DDX43: variants seen among roughly 807,000 people sequenced by gnomAD.
The protein encoded by DDX43 is probable ATP-dependent RNA helicase DDX43.
Under a neutral mutation model 84.9 loss-of-function variants are expected in DDX43, and 50 were observed. The ratio of observed to expected loss-of-function variants is 0.59; its 90% confidence interval spans 0.47 to 0.75. The LOEUF (loss-of-function observed/expected upper bound fraction) is 0.75. Ranked by LOEUF, DDX43 falls within the 30% of genes least tolerant of loss-of-function variation. The probability of loss-of-function intolerance (pLI) is 0.00; values close to 1 mark genes in which losing one functional copy is unlikely to be tolerated. For missense variants in DDX43, 689 were observed against 798.6 expected (o/e 0.86, Z 1.65); for synonymous variants, 291 against 266.3 (o/e 1.09, Z -0.90).
intron 10 of DDX43, among the ~76,000 whole-genome samples, chr6:73,411,593 G>T (rs1769785732): frequency 6.6e-6 from 1 of 152,004 alleles, no homozygotes; most frequent in African/African-American, 2.4e-5. Context: ...GCCTCGCAAA[G>T]TGCTGGGATT....
chr6:73,401,218 A>G (rs1749161679), intron 3 of DDX43, among the ~76,000 whole-genome samples: 1 of 152,102 alleles, frequency 6.6e-6, no homozygotes, highest in Non-Finnish European at 1.5e-5. Flanking sequence ...AATTCAAGCG[A>G]TCCTCCACAC....
chr6:73,415,744 A>G (rs1287851320), intron 15 of DDX43, among the ~76,000 whole-genome samples, 160 bp downstream of exon 15: 1 of 152,158 alleles, frequency 6.6e-6, no homozygotes, highest in Non-Finnish European at 1.5e-5. Flanking sequence ...GGAGCATATA[A>G]CTGGGAAACT....
At chr6:73,411,069 G>A (rs985432810) in intron 10 of DDX43, among the ~76,000 whole-genome samples, 4 of 150,260 alleles carry the variant, frequency 2.7e-5, no homozygotes, top group Admixed American at 6.6e-5. Flanking sequence ...CCAGCTACTC[G>A]GGAGCCTGAG....
intron 4 of DDX43, 101 bp from the exon 5 acceptor site, chr6:73,404,589 A>C: frequency 1.1e-6 from 1 of 904,574 alleles, no homozygotes. Flanking sequence ...AATGGTATGC[A>C]TGGTAAATAA....
chr6:73,414,299 A>G (rs1341469466), intron 13 of DDX43, among the ~76,000 whole-genome samples: 1 of 152,254 alleles, frequency 6.6e-6, no homozygotes, highest in Non-Finnish European at 1.5e-5. Context: ...AATATGCAAC[A>G]GAAAATATAT....
At chr6:73,397,857 C>A in intron 2 of DDX43, 113 bp downstream of exon 2, 1 of 933,414 alleles carries the variant, frequency 1.1e-6, no homozygotes, top group Non-Finnish European at 1.7e-6. Flanking sequence ...GGCTGGAGTG[C>A]AGTGACGTGA....
intron 11 of DDX43, among the ~76,000 whole-genome samples, chr6:73,412,639 G>GT (rs1769811065): frequency 5.0e-5 from 1 of 19,988 alleles, no homozygotes; most frequent in African/African-American, 1.1e-4. Flanking sequence ...TATATATATA[G>GT]TGTGTGTGTG....
At position 73,414,643 on chromosome 6, in the gene DDX43, A is replaced by G. The variant is rs762455580; in HGVS notation, c.1702A>G (p.Ile568Val). ...HVYNFDFPRNIEEYVHRIGRT... is the reference protein window; with the variant it reads ...HVYNFDFPRNVEEYVHRIGRT... The stretch of plus-strand genomic sequence containing the variant: ...CTATAATTTTGACTTTCCACGGAAT[A>G]TTGAAGAATACGTACACCGAATAGG... Residue 568 changes from isoleucine to valine, a missense_variant, in exon 14 of 17, where the codon ATT becomes GTT. Around this residue, in one of 2 missense-constraint regions of DDX43, gnomAD observed 552 missense variants for 692.7 expected, o/e 0.80. Coordinates refer to ENST00000370336, the MANE Select transcript of DDX43 (RefSeq NM_018665.3). 5 of 1,614,116 alleles carry G rather than the reference A, an allele frequency of 3.1e-6. No homozygotes were observed. The South Asian group carries it at 5.5e-5, about 18-fold the overall frequency.
chr6:73,401,329 C>T (rs1032103143), intron 3 of DDX43, among the ~76,000 whole-genome samples: 2 of 152,122 alleles, frequency 1.3e-5, no homozygotes, highest in African/African-American at 4.8e-5. Context: ...ATTATTCTAA[C>T]GACTGAGTAA....
chr6:73,412,371 G>T, intron 11 of DDX43, 79 bp downstream of exon 11: 1 of 1,114,384 alleles, frequency 9.0e-7, no homozygotes, highest in Admixed American at 2.1e-5. Flanking sequence ...TGCCTAGTCT[G>T]CCCACTCCCC....
intron 4 of DDX43, among the ~76,000 whole-genome samples, chr6:73,403,880 C>T (rs1769623996): frequency 6.6e-6 from 1 of 150,990 alleles, no homozygotes; most frequent in South Asian, 2.1e-4. Context: ...TGCAGTGGCG[C>T]AATCTTGGCA....
At chr6:73,404,539 C>T (rs1191908902) in intron 4 of DDX43, 151 bp from the exon 5 acceptor site, 4 of 625,692 alleles carry the variant, frequency 6.4e-6, no homozygotes, top group African/African-American at 5.6e-5. Context: ...GAGATCTCTT[C>T]GATGGGAGCA....
At chr6:73,397,907 C>G (rs550248941) in intron 2 of DDX43, 163 bp downstream of exon 2, 1 of 488,518 alleles carries the variant, frequency 2.0e-6, no homozygotes, top group South Asian at 3.7e-5. Context: ...AAGCAATTCT[C>G]CTGCTTCAGC....
At position 73,412,638 on chromosome 6, in the gene DDX43, A is replaced by ATAGTGTGTGTGTGTGTGT. The variant is rs376258603; in HGVS notation, c.1368+346_1368+347insTAGTGTGTGTGTGTGTGT. ...CTGGGTTCAAGTGATATATATATAT[A>ATAGTGTGTGTGTGTGTGT]GTGTGTGTGTGTGTGTGTGTGTGTG... On this transcript the variant is annotated intron_variant, in intron 11 of 16. Transcript: ENST00000370336. 1.1e-3 allele frequency among the ~76,000 whole-genome samples: 67 copies of ATAGTGTGTGTGTGTGTGT among 59,708 alleles called. 2 individuals carry two copies. Among genetic ancestry groups the ATAGTGTGTGTGTGTGTGT allele is most frequent in the Middle Eastern group, 6.5e-3 (1 of 154 alleles). The allele number at this position is 59,708 out of a possible 152,430, so 39.2% of individuals were successfully genotyped here. A position where few individuals can be genotyped will look rare whatever the true frequency, so the allele number is the denominator to read the frequency against.
intron 14 of DDX43, 71 bp from the exon 15 acceptor site, chr6:73,415,426 A>G: frequency 8.9e-7 from 1 of 1,121,604 alleles, no homozygotes; most frequent in Non-Finnish European, 1.3e-6. Context: ...CTTCTGTGAA[A>G]AAGTTTTCAT....
At chr6:73,405,540 A>G in intron 5 of DDX43, 139 bp from the exon 6 acceptor site, 8 of 767,802 alleles carry the variant, frequency 1.0e-5, no homozygotes, top group Non-Finnish European at 1.6e-5. Flanking sequence ...TTCTTTATGC[A>G]TTTCATTATA....
intron 4 of DDX43, among the ~76,000 whole-genome samples, chr6:73,403,816 ATTT>A (rs35707346): frequency 4.3e-5 from 6 of 138,578 alleles, no homozygotes; most frequent in African/African-American, 1.1e-4. Flanking sequence ...TGCCAGGCTA[ATTT>A]TTTTTTTTTT....
rs1264299234 is a variant in DDX43, at chr6:73,417,327, A to T, written c.*166A>T. 6.6e-6 allele frequency: 1 copy of T among 152,224 alleles called. No homozygotes were observed. Among genetic ancestry groups the T allele is most frequent in the Non-Finnish European group, 1.5e-5 (1 of 68,046 alleles). The allele number at this position is 152,224 out of a possible 1,614,324, so 9.4% of individuals were successfully genotyped here. On this transcript the variant is annotated 3_prime_UTR_variant, in exon 17 of 17. Coordinates refer to ENST00000370336, the MANE Select transcript of DDX43 (RefSeq NM_018665.3). ...CCAGTGTTTTATACTTTCTTTAATA[A>T]AAATAGAAGTATTTAAACTTGGAAG...
Position 73,407,551 on chromosome 6 carries a change from A to T in DDX43, c.973A>T (p.Thr325Ser), listed in dbSNP as rs763257520. The T allele has an allele frequency of 6.2e-7, 1 of 1,614,044 alleles. No individual in the cohort carries two copies. The highest frequency in any genetic ancestry group is 1.1e-5 in the South Asian group (1 of 91,084). Residue 325 changes from threonine to serine, a missense_variant, in exon 8 of 17, where the codon ACT becomes TCT. By Grantham distance (58) the Thr-to-Ser change is moderately conservative (BLOSUM62 1). Transcript: ENST00000370336. ...NRPGMLVLTP[T>S]RELALQVEGE... ...ACCCGGCATGTTAGTTCTAACTCCC[A>T]CTCGGGAATTAGCACTTCAAGTAGA...
Sources: gnomAD v4.1 joint callset for allele counts (sites outside exome capture counted in the v4.1 genomes callset) on GRCh38, gnomAD v4.1.1 for gene constraint, gnomAD v4.1.1 regional missense constraint, MANE v1.5 for transcripts, NCBI Gene and HGNC (gene_info 2026-07-23, HGNC 2026-07-21) for gene names.